Variants in CNTNAP4 observed in about 807,000 individuals in gnomAD.
CNTNAP4 encodes the protein contactin-associated protein-like 4.
In CNTNAP4, 98 loss-of-function variants were observed where a neutral mutation model predicts 148.4. The ratio of observed to expected loss-of-function variants is 0.66; its 90% CI spans 0.56 to 0.78. CNTNAP4 has a LOEUF of 0.78. CNTNAP4 is among the 30% of genes least tolerant of loss of function. The probability of loss-of-function intolerance (pLI) is 0.00; values close to 1 mark genes in which losing one functional copy is unlikely to be tolerated. For synonymous variants in CNTNAP4, 730 were observed against 565.1 expected (o/e 1.29, Z -4.14); for missense variants, 1,935 against 1,565.6 (o/e 1.24, Z -3.98).
intron 23 of CNTNAP4, among the ~76,000 whole-genome samples, chr16:76,555,370 C>T (rs911446247): frequency 6.6e-6 from 1 of 151,860 alleles, no homozygotes; most frequent in Non-Finnish European, 1.5e-5. Context: ...CCAAAACAAA[C>T]AAAAAAACTC....
At chr16:76,351,487 C>G (rs984925497) in intron 2 of CNTNAP4, among the ~76,000 whole-genome samples, 3 of 152,214 alleles carry the variant, frequency 2.0e-5, no homozygotes, top group East Asian at 1.9e-4. Flanking sequence ...GCCTAACACT[C>G]TATCACACGC....
intron 21 of CNTNAP4, among the ~76,000 whole-genome samples, chr16:76,542,091 G>T (rs1298176090): frequency 6.6e-6 from 1 of 152,162 alleles, no homozygotes; most frequent in African/African-American, 2.4e-5. Flanking sequence ...ATAAGACCGT[G>T]TGCACTCTTA....
chr16:76,502,363 A>G (rs1020253080), intron 15 of CNTNAP4, among the ~76,000 whole-genome samples: 20 of 149,126 alleles, frequency 1.3e-4, no homozygotes, highest in African/African-American at 4.5e-4. Flanking sequence ...TTACAACGCC[A>G]TAGGTACTTT....
chr16:76,313,266 G>C lies in CNTNAP4; in HGVS notation c.86-3147G>C, dbSNP rs116993231. On this transcript the variant is annotated intron_variant, in intron 1 of 23. Coordinates refer to ENST00000611870, the MANE Select transcript of CNTNAP4 (RefSeq NM_033401.5). ...AGAGAGGCATTACATCCAAAACATC[G>C]ATCTGAATCTACATAATTGATTTTG... 6.4e-4 allele frequency among the ~76,000 whole-genome samples: 97 copies of C among 152,146 alleles called. 2 individuals carry two copies. The East Asian group carries it at 0.013, about 21-fold the overall frequency.
At chr16:76,365,291 T>C (rs2013974148) in intron 3 of CNTNAP4, among the ~76,000 whole-genome samples, 1 of 152,204 alleles carries the variant, frequency 6.6e-6, no homozygotes, top group Non-Finnish European at 1.5e-5. Context: ...TGTAGTATAG[T>C]TTGAAGTCAG....
At position 76,364,112 on chromosome 16, in the gene CNTNAP4, C is replaced by G. The variant is rs568374874; in HGVS notation, c.390+8601C>G. 2.0e-5 allele frequency among the ~76,000 whole-genome samples: 3 copies of G among 151,410 alleles called. No individual in the cohort carries two copies. In the South Asian group the frequency reaches 6.3e-4, roughly 32 times the overall value. On this transcript the variant is annotated intron_variant, in intron 3 of 23. Coordinates refer to ENST00000611870, the MANE Select transcript of CNTNAP4 (RefSeq NM_033401.5). Reference sequence around the variant, plus strand: ...ATTAGCTGGGCATGGTGGTGCACACCTGTAATCCCAGCTACTCTGGAGGTT... The same window carrying G: ...ATTAGCTGGGCATGGTGGTGCACACGTGTAATCCCAGCTACTCTGGAGGTT...
rs939838649 is a variant in CNTNAP4, at chr16:76,312,514, A to G, written c.86-3899A>G. Among the ~76,000 whole-genome samples the G allele has an allele frequency of 3.9e-5, 6 of 152,268 alleles. No homozygotes were observed. In the East Asian group the frequency reaches 9.6e-4, roughly 24 times the overall value. ...AAAATATCATGTTTACTCCACACTGATTATTACTGTTTGAGGTTCTCTTCC... is the reference window on the plus strand; with the variant it reads ...AAAATATCATGTTTACTCCACACTGGTTATTACTGTTTGAGGTTCTCTTCC... On this transcript the variant is annotated intron_variant, in intron 1 of 23. Coordinates refer to ENST00000611870, the MANE Select transcript of CNTNAP4 (RefSeq NM_033401.5).
At chr16:76,476,357 G>C (rs928008592) in intron 11 of CNTNAP4, among the ~76,000 whole-genome samples, 1 of 152,164 alleles carries the variant, frequency 6.6e-6, no homozygotes, top group Admixed American at 6.5e-5. Flanking sequence ...AAACTTTCTA[G>C]AAGGCGCAGT....
At position 76,385,108 on chromosome 16, in the gene CNTNAP4, T is replaced by C. The variant is rs950522149; in HGVS notation, c.390+29597T>C. On this transcript the variant is annotated intron_variant, in intron 3 of 23. Coordinates refer to ENST00000611870, the MANE Select transcript of CNTNAP4 (RefSeq NM_033401.5). ...AGTTTACATGACAGGAGCATAATTA[T>C]AAATATTTAAAGATCCTTTTTTTAA... Among the ~76,000 whole-genome samples, 9 of 152,348 alleles carry C rather than the reference T, an allele frequency of 5.9e-5. No individual in the cohort carries two copies. The South Asian group carries it at 8.3e-4, about 14-fold the overall frequency.
At chr16:76,323,037 G>A (rs531203491) in intron 2 of CNTNAP4, among the ~76,000 whole-genome samples, 1 of 151,752 alleles carries the variant, frequency 6.6e-6, no homozygotes, top group Admixed American at 6.6e-5. Flanking sequence ...AGTAGAGATG[G>A]GGTTTCACCA....
rs986385683 is a variant in CNTNAP4, at chr16:76,402,508, C to T, written c.391-24944C>T. 2.6e-5 allele frequency among the ~76,000 whole-genome samples: 4 copies of T among 152,030 alleles called. No homozygotes were observed. The South Asian group carries it at 8.3e-4, about 31-fold the overall frequency. ...TATCTTACTAATTAAAAAACAACCT[C>T]CTGAATTTGTTGAACTTTTGAATGG... On this transcript the variant is annotated intron_variant, in intron 3 of 23. Transcript: ENST00000611870.
At chr16:76,534,611 G>A (rs1336831431) in intron 17 of CNTNAP4, among the ~76,000 whole-genome samples, 2 of 152,140 alleles carry the variant, frequency 1.3e-5, no homozygotes, top group Non-Finnish European at 2.9e-5. Context: ...TCAGGGTAGT[G>A]CTTATACAAT....
intron 1 of CNTNAP4, among the ~76,000 whole-genome samples, chr16:76,302,602 T>C (rs1960091540): frequency 6.6e-6 from 1 of 152,146 alleles, no homozygotes. Context: ...GTCAACCCAC[T>C]CAGGATAATA....
At chr16:76,538,408 T>C in intron 19 of CNTNAP4, 68 bp downstream of exon 19, 3 of 1,182,376 alleles carry the variant, frequency 2.5e-6, no homozygotes, top group Non-Finnish European at 3.7e-6. Context: ...ATATGGATCA[T>C]TCTCGTGTTC....
intron 3 of CNTNAP4, among the ~76,000 whole-genome samples, chr16:76,378,961 C>G (rs1248353714): frequency 1.3e-5 from 2 of 152,148 alleles, no homozygotes; most frequent in Non-Finnish European, 1.5e-5. Flanking sequence ...CTACAACTCA[C>G]TTGATTTGTG....
At chr16:76,348,686 A>G (rs573644837) in intron 2 of CNTNAP4, among the ~76,000 whole-genome samples, 3 of 152,160 alleles carry the variant, frequency 2.0e-5, no homozygotes, top group Non-Finnish European at 2.9e-5. Flanking sequence ...CTGAAGCCTG[A>G]ACGCTGGATT....
At chr16:76,553,746 C>A in intron 22 of CNTNAP4, 90 bp from the exon 23 acceptor site, 1 of 814,036 alleles carries the variant, frequency 1.2e-6, no homozygotes, top group Non-Finnish European at 2.0e-6. Flanking sequence ...CTCCATAATT[C>A]TCTGTGGTTT....
intron 3 of CNTNAP4, among the ~76,000 whole-genome samples, chr16:76,362,333 C>A (rs1420329080): frequency 6.6e-6 from 1 of 152,102 alleles, no homozygotes; most frequent in East Asian, 1.9e-4. Context: ...CTACTCAAAG[C>A]AATCTATAGA....
chr16:76,455,442 A>G (rs1233182867), intron 8 of CNTNAP4, among the ~76,000 whole-genome samples: 1 of 152,186 alleles, frequency 6.6e-6, no homozygotes, highest in Non-Finnish European at 1.5e-5. Context: ...ACAATGGAGC[A>G]GCCCCCTTGA....
Sources: gnomAD v4.1 joint callset for allele counts (sites outside exome capture counted in the v4.1 genomes callset) on GRCh38, gnomAD v4.1.1 for gene constraint, MANE v1.5 for transcripts, NCBI Gene and HGNC (gene_info 2026-07-23, HGNC 2026-07-21) for gene names.